DCUN1D3: variants seen among roughly 807,000 people sequenced by gnomAD.
The protein encoded by DCUN1D3 is defective in cullin neddylation 1 domain containing 3.
DCUN1D3 carries 6 observed loss-of-function variants against 24.8 expected under a neutral mutation model. The ratio of observed to expected loss-of-function variants is 0.24; its 90% CI spans 0.13 to 0.48. DCUN1D3 has a LOEUF of 0.48. Ranked by LOEUF, DCUN1D3 falls within the 20% of genes least tolerant of loss-of-function variation. The probability of loss-of-function intolerance (pLI) is 0.99; values close to 1 mark genes in which losing one functional copy is unlikely to be tolerated. For missense variants in DCUN1D3, 258 were observed against 379.4 expected, an observed-to-expected ratio of 0.68 and a Z score of 2.66; for synonymous variants, 120 against 144.9, an observed-to-expected ratio of 0.83 and a Z score of 1.24.
chr16:20,871,481 A>G (rs944855978), intron 1 of DCUN1D3, among the ~76,000 whole-genome samples: 18 of 152,212 alleles, frequency 1.2e-4, no homozygotes, highest in African/African-American at 4.1e-4. Context: ...TTTAGCATAA[A>G]GTCATTTCTT....
chr16:20,882,146 C>T (rs1366290856), intron 1 of DCUN1D3, among the ~76,000 whole-genome samples: 1 of 151,858 alleles, frequency 6.6e-6, no homozygotes, highest in Non-Finnish European at 1.5e-5. Context: ...CCTCCCCATT[C>T]CTTTCTCTAG....
chr16:20,875,212 A>ACACATG (rs1567425642), intron 1 of DCUN1D3, among the ~76,000 whole-genome samples: 1 of 22,802 alleles, frequency 4.4e-5, no homozygotes, highest in Non-Finnish European at 1.7e-4. Flanking sequence ...GCGCTCATGC[A>ACACATG]CACACACACA....
chr16:20,893,919 A>G (rs1218044262), intron 1 of DCUN1D3, among the ~76,000 whole-genome samples: 2 of 152,218 alleles, frequency 1.3e-5, no homozygotes, highest in Non-Finnish European at 2.9e-5. Flanking sequence ...AATGATAGAG[A>G]GCTAAAAGCT....
intron 1 of DCUN1D3, among the ~76,000 whole-genome samples, chr16:20,873,048 G>T (rs1365929189): frequency 2.0e-5 from 3 of 151,936 alleles, no homozygotes; most frequent in African/African-American, 7.3e-5. Flanking sequence ...GTGGGACCTG[G>T]GAGGCAGAGG....
At chr16:20,887,330 G>T (rs2081872167) in intron 1 of DCUN1D3, among the ~76,000 whole-genome samples, 2 of 152,084 alleles carry the variant, frequency 1.3e-5, no homozygotes, top group African/African-American at 2.4e-5. Flanking sequence ...ATAAAAAACA[G>T]AACTAGTAAA....
chr16:20,864,814 AAAAG>A (rs1388732057), intron 1 of DCUN1D3, among the ~76,000 whole-genome samples: 4 of 152,156 alleles, frequency 2.6e-5, no homozygotes, highest in African/African-American at 9.7e-5. Context: ...GCAGCCATAA[AAAAG>A]AACGAGATCA....
chr16:20,872,598 T>C (rs572469671), intron 1 of DCUN1D3, among the ~76,000 whole-genome samples: 1 of 151,854 alleles, frequency 6.6e-6, no homozygotes, highest in Admixed American at 6.6e-5. Context: ...ATCCACACAA[T>C]AAAAGAATTC....
chr16:20,889,245 A>T (rs1206098802), intron 1 of DCUN1D3, among the ~76,000 whole-genome samples: 1 of 144,126 alleles, frequency 6.9e-6, no homozygotes, highest in Non-Finnish European at 1.5e-5. Flanking sequence ...AAAAAAAATT[A>T]GCCAGGCGTG....
intron 1 of DCUN1D3, among the ~76,000 whole-genome samples, chr16:20,886,810 C>T (rs2081869803): frequency 6.6e-6 from 1 of 152,218 alleles, no homozygotes; most frequent in African/African-American, 2.4e-5. Flanking sequence ...ATAAAGCCAA[C>T]TCCTGCTTTA....
At chr16:20,878,351 C>T (rs760684486) in intron 1 of DCUN1D3, among the ~76,000 whole-genome samples, 1 of 152,166 alleles carries the variant, frequency 6.6e-6, no homozygotes, top group Non-Finnish European at 1.5e-5. Context: ...GGGAGATGTT[C>T]AACCTGTCAT....
At chr16:20,873,569 G>A (rs575843643) in intron 1 of DCUN1D3, among the ~76,000 whole-genome samples, 3 of 152,362 alleles carry the variant, frequency 2.0e-5, no homozygotes, top group South Asian at 4.1e-4. Flanking sequence ...TGTAGCAGAC[G>A]TGTCTGCCTT....
chr16:20,876,944 A>G (rs1243900412), intron 1 of DCUN1D3, among the ~76,000 whole-genome samples: 1 of 152,184 alleles, frequency 6.6e-6, no homozygotes, highest in African/African-American at 2.4e-5. Flanking sequence ...TAGTTACCAG[A>G]GGCAGGGAAG....
intron 1 of DCUN1D3, among the ~76,000 whole-genome samples, chr16:20,882,868 T>C (rs1479348705): frequency 2.0e-5 from 3 of 152,356 alleles, no homozygotes. Context: ...GTTTCAGAAG[T>C]ACCCTATGAA....
intron 1 of DCUN1D3, among the ~76,000 whole-genome samples, chr16:20,876,058 C>T (rs992097050): frequency 2.0e-5 from 3 of 152,108 alleles, no homozygotes; most frequent in African/African-American, 7.2e-5. Context: ...CAATCACCTC[C>T]GAGGTTCAAG....
chr16:20,893,326 C>T (rs1447173243), intron 1 of DCUN1D3, among the ~76,000 whole-genome samples: 1 of 152,134 alleles, frequency 6.6e-6, no homozygotes, highest in Non-Finnish European at 1.5e-5. Flanking sequence ...GTGCACACCA[C>T]CACGCCCAGC....
At chr16:20,869,346 C>G (rs2081777401) in intron 1 of DCUN1D3, among the ~76,000 whole-genome samples, 1 of 152,220 alleles carries the variant, frequency 6.6e-6, no homozygotes, top group Admixed American at 6.5e-5. Flanking sequence ...GTGTGAACTA[C>G]TATTACGGAA....
At chr16:20,887,899 G>A (rs992851917) in intron 1 of DCUN1D3, among the ~76,000 whole-genome samples, 5 of 152,164 alleles carry the variant, frequency 3.3e-5, no homozygotes, top group Non-Finnish European at 2.9e-5. Context: ...CCTAGCCCCT[G>A]TCCCCACTGC....
chr16:20,877,747 T>C (rs140661187), intron 1 of DCUN1D3, among the ~76,000 whole-genome samples: 29 of 151,892 alleles, frequency 1.9e-4, no homozygotes, highest in Non-Finnish European at 3.1e-4. Context: ...CAGGAAAGAG[T>C]AAAGGGAGTT....
Position 20,860,330 on chromosome 16 carries a change from G to C in DCUN1D3, c.471C>G (p.Asp157Glu). ...ACCGTGCACAGATTCCGTCAATGCT[G>C]TCTGCACTTATTGCTTTGCAGCCAT... Reference protein sequence around the residue: ...FFDGCKAISADSIDGICARFP... With the variant: ...FFDGCKAISAESIDGICARFP... The change falls in exon 3 of 3, where the codon GAC becomes GAG. Residue 157 changes from aspartate (D) to glutamate (E), a missense_variant. Asp to Glu is a conservative substitution (Grantham distance 45). Coordinates refer to ENST00000324344, the MANE Select transcript of DCUN1D3 (RefSeq NM_173475.4). This position sits in a 1 kb window ranked among gnomAD's most constrained non-coding sequence, Gnocchi z 4.3. 1 of 1,613,894 alleles carries C rather than the reference G, an allele frequency of 6.2e-7. No individual in the cohort carries two copies. The highest frequency in any genetic ancestry group is 2.2e-5 in the East Asian group (1 of 44,880).
Sources: allele counts gnomAD v4.1 joint callset (sites outside exome capture counted in the v4.1 genomes callset), GRCh38; gene constraint gnomAD v4.1.1; non-coding constraint Gnocchi (gnomAD v3.1); transcripts MANE v1.5; gene names NCBI Gene and HGNC (gene_info 2026-07-23, HGNC 2026-07-21).